Variants in MAP3K21 observed in about 807,000 individuals in gnomAD.
MAP3K21 encodes the protein mitogen-activated protein kinase kinase kinase MLK4.
A neutral mutation model predicts 86.1 loss-of-function variants in MAP3K21; 63 were observed. The ratio of observed to expected loss-of-function variants is 0.73; its 90% CI spans 0.60 to 0.90. The LOEUF is 0.90. Among genes scored for constraint, MAP3K21 ranks in the 40% least tolerant of loss-of-function variants. MAP3K21 has a pLI of 0.00. For missense variants in MAP3K21, 1,220 were observed against 1,367.7 expected, an observed-to-expected ratio of 0.89 and a Z score of 1.70; for synonymous variants, 558 against 564.8, an observed-to-expected ratio of 0.99 and a Z score of 0.17.
In MAP3K21 at chr1:233,328,850, G is replaced by T; in HGVS notation, c.805+17G>T. ...CCAGCAACAGTAAGTGGGGCCAGAG[G>T]GAGGTGGGGGAAGACTACCTCCGTG... On this transcript the variant is annotated intron_variant, in intron 1 of 9. Coordinates refer to ENST00000366624, the MANE Select transcript of MAP3K21 (RefSeq NM_032435.3). This position sits in a 1 kb window ranked among gnomAD's most constrained non-coding sequence, Gnocchi z 8.7. The T allele has an allele frequency of 6.7e-7, 1 of 1,489,548 alleles. No individual in the cohort carries two copies. The highest frequency in any genetic ancestry group is 9.0e-7 in the Non-Finnish European group (1 of 1,115,652). The allele number at this position is 1,489,548 out of a possible 1,614,324, so 92.3% of individuals were successfully genotyped here.
chr1:233,358,976 ATT>A (rs1179887524), intron 4 of MAP3K21, among the ~76,000 whole-genome samples: 10 of 151,050 alleles, frequency 6.6e-5, no homozygotes, highest in African/African-American at 2.2e-4. Context: ...CACCCGGCTA[ATT>A]TTTTTTGTAT....
At position 233,330,243 on chromosome 1, in the gene MAP3K21, A is replaced by G. The variant is rs571679937; in HGVS notation, c.805+1410A>G. ...TATTTCATGATCCTCCTTCCCCCCA[A>G]GTCTCTCTATAATTTAGATTGCATC... On this transcript the variant is annotated intron_variant, in intron 1 of 9. Coordinates refer to ENST00000366624, the MANE Select transcript of MAP3K21 (RefSeq NM_032435.3). Among the ~76,000 whole-genome samples, 3 of 152,292 alleles carry G rather than the reference A, an allele frequency of 2.0e-5. No individual in the cohort carries two copies. The East Asian group carries it at 5.8e-4, about 29-fold the overall frequency.
chr1:233,349,664 C>A (rs764750705), intron 2 of MAP3K21, among the ~76,000 whole-genome samples: 1 of 152,184 alleles, frequency 6.6e-6, no homozygotes, highest in Non-Finnish European at 1.5e-5. Context: ...ACCAGCCGGG[C>A]ATGGTGGCTC....
At chr1:233,342,756 C>CTTT (rs1663060509) in intron 1 of MAP3K21, among the ~76,000 whole-genome samples, 1 of 152,066 alleles carries the variant, frequency 6.6e-6, no homozygotes, top group African/African-American at 2.4e-5. Flanking sequence ...AAGGTTATTT[C>CTTT]AAATGGAAGT....
chr1:233,355,813 C>T (rs897038024), intron 4 of MAP3K21, among the ~76,000 whole-genome samples: 3 of 152,178 alleles, frequency 2.0e-5, no homozygotes, highest in African/African-American at 7.2e-5. Flanking sequence ...GCCAACCTCA[C>T]TCATCACCAG....
chr1:233,345,441 A>T (rs1189924685), intron 1 of MAP3K21, among the ~76,000 whole-genome samples: 1 of 152,128 alleles, frequency 6.6e-6, no homozygotes, highest in Non-Finnish European at 1.5e-5. Context: ...AGGGACATGG[A>T]TGAAGATGGA....
chr1:233,367,279 G>A (rs1663595865), intron 5 of MAP3K21, among the ~76,000 whole-genome samples: 1 of 152,216 alleles, frequency 6.6e-6, no homozygotes, highest in Non-Finnish European at 1.5e-5. Flanking sequence ...ATTCTTTAGA[G>A]AATACATTCC....
At chr1:233,359,555 C>G (rs1248891086) in intron 4 of MAP3K21, among the ~76,000 whole-genome samples, 1 of 152,122 alleles carries the variant, frequency 6.6e-6, no homozygotes, top group Non-Finnish European at 1.5e-5. Context: ...TGGCTGTGGT[C>G]TGTGTTATTC....
intron 1 of MAP3K21, among the ~76,000 whole-genome samples, chr1:233,335,415 T>C (rs1280317814): frequency 6.6e-6 from 1 of 152,198 alleles, no homozygotes; most frequent in Non-Finnish European, 1.5e-5. Context: ...AGTAACAAGA[T>C]GAGTTTTTAA....
chr1:233,366,840 A>T (rs1422241989), intron 5 of MAP3K21, among the ~76,000 whole-genome samples: 1 of 151,280 alleles, frequency 6.6e-6, no homozygotes, highest in African/African-American at 2.4e-5. Context: ...TAGAAACCTC[A>T]AAAGTGATTT....
intron 2 of MAP3K21, among the ~76,000 whole-genome samples, chr1:233,351,456 G>T (rs938496898): frequency 4.6e-5 from 7 of 152,080 alleles, no homozygotes; most frequent in Non-Finnish European, 7.4e-5. Flanking sequence ...ACTTTTGGAG[G>T]CCAAGGTAGG....
At chr1:233,362,334 T>G (rs775078051) in intron 5 of MAP3K21, 41 bp downstream of exon 5, 11 of 1,602,418 alleles carry the variant, frequency 6.9e-6, no homozygotes, top group South Asian at 2.2e-5. Flanking sequence ...TTTTTGTGTG[T>G]CCTCCTTTTA....
chr1:233,346,586 A>C lies in MAP3K21; in HGVS notation c.950A>C (p.Lys317Thr). The change falls in exon 2 of 10, where the codon AAG (lysine) becomes ACG (threonine). Residue 317 changes from lysine (K) to threonine (T), a missense_variant. Physicochemically the swap from Lys to Thr is moderately conservative, Grantham distance 78. This residue lies in a region of MAP3K21 where 89 missense variants were observed against 144.8 expected (regional missense o/e 0.61). Coordinates refer to ENST00000366624, the MANE Select transcript of MAP3K21 (RefSeq NM_032435.3). ...TYAWMAPEVI[K>T]SSLFSKGSDI... Reference sequence around the variant, plus strand: ...GCCTGGATGGCCCCCGAAGTGATCAAGTCTTCCTTGTTTTCTAAGGGAAGC... The same window carrying C: ...GCCTGGATGGCCCCCGAAGTGATCACGTCTTCCTTGTTTTCTAAGGGAAGC... The C allele has an allele frequency of 2.5e-6, 4 of 1,613,852 alleles. No individual in the cohort carries two copies. The highest frequency in any genetic ancestry group is 3.4e-6 in the Non-Finnish European group (4 of 1,179,864).
intron 2 of MAP3K21, among the ~76,000 whole-genome samples, chr1:233,347,960 AT>A (rs11353538): frequency 0.44 from 67,499 of 151,912 alleles, 15,483 homozygotes; most frequent in East Asian, 0.58. Context: ...TTAAAGTTCC[AT>A]TTTTTTCTGT....
chr1:233,353,973 G>GC lies in MAP3K21; in HGVS notation c.1135+18_1135+19insC. On this transcript the variant is annotated intron_variant, in intron 3 of 9. Transcript: ENST00000366624. ...CATGAAAGGTATTGTGTGTGTGTGT[G>GC]TGTGTCTTTGTGGGGGCAAGAATTT... The GC allele has an allele frequency of 6.8e-7, 1 of 1,472,040 alleles. No individual in the cohort carries two copies. The highest frequency in any genetic ancestry group is 9.0e-7 in the Non-Finnish European group (1 of 1,105,602). 91.2% of individuals were successfully genotyped at this position (1,472,040 alleles called of 1,614,324 possible). A position where few individuals can be genotyped will look rare whatever the true frequency, so the allele number is the denominator to read the frequency against.
Position 233,327,953 on chromosome 1 carries a change from C to T in MAP3K21, c.-76C>T. On this transcript the variant is annotated 5_prime_UTR_variant, in exon 1 of 10. Transcript: ENST00000366624. ...CCCCCGGCGCCGACGGCCACACCGC[C>T]GGACGATGCGCGCCCGCGGCCGCCC... 8.5e-7 allele frequency: 1 copy of T among 1,180,746 alleles called. No homozygotes were observed. Among genetic ancestry groups the T allele is most frequent in the Non-Finnish European group, 1.1e-6 (1 of 943,690 alleles). The allele number at this position is 1,180,746 out of a possible 1,614,324, so 73.1% of individuals were successfully genotyped here.
At chr1:233,364,512 C>T (rs1023588924) in intron 5 of MAP3K21, among the ~76,000 whole-genome samples, 26 of 152,208 alleles carry the variant, frequency 1.7e-4, no homozygotes, top group Non-Finnish European at 1.8e-4. Flanking sequence ...AAATGAAAAT[C>T]GTTCCAATGA....
intron 1 of MAP3K21, among the ~76,000 whole-genome samples, chr1:233,333,005 C>T (rs947538226): frequency 1.3e-5 from 2 of 151,870 alleles, no homozygotes; most frequent in African/African-American, 4.8e-5. Context: ...TTTACAACTA[C>T]AATAGTTGTA....
At chr1:233,382,247 C>T (rs935370703) in intron 9 of MAP3K21, 58 bp from the exon 10 acceptor site, 2 of 1,392,004 alleles carry the variant, frequency 1.4e-6, no homozygotes, top group Non-Finnish European at 2.0e-6. Flanking sequence ...TCTTGATATT[C>T]ATTGTTTTAG....
Sources: gnomAD v4.1 joint callset for allele counts (sites outside exome capture counted in the v4.1 genomes callset) on GRCh38, gnomAD v4.1.1 for gene constraint, gnomAD v4.1.1 regional missense constraint, Gnocchi (gnomAD v3.1) non-coding constraint, MANE v1.5 for transcripts, NCBI Gene and HGNC (gene_info 2026-07-23, HGNC 2026-07-21) for gene names.